The following SERPINB6 variants were observed in gnomAD, a reference collection of about 807,000 sequenced individuals.
SERPINB6 encodes serpin family B member 6.
Under a neutral mutation model 26.1 loss-of-function variants are expected in SERPINB6, and 16 were observed. The observed-to-expected ratio is 0.61, with a 90% confidence interval of 0.42 to 0.93. The LOEUF (loss-of-function observed/expected upper bound fraction) is 0.93. Ranked by LOEUF, SERPINB6 falls within the 40% of genes least tolerant of loss-of-function variation. The probability of loss-of-function intolerance (pLI) is 0.00; values close to 1 mark genes in which losing one functional copy is unlikely to be tolerated. For missense variants in SERPINB6, 420 were observed against 478.0 expected (o/e 0.88, Z 1.13); for synonymous variants, 174 against 176.6 (o/e 0.99, Z 0.11).
At chr6:2,961,865 T>C in intron 1 of SERPINB6, 1 of 984,938 alleles carries the variant, frequency 1.0e-6, no homozygotes, top group Non-Finnish European at 1.2e-6. Flanking sequence ...CAGCACACGT[T>C]TTCCCCTCAA....
At chr6:2,955,769 T>C in intron 2 of SERPINB6, 99 bp from the exon 3 acceptor site, 1 of 1,316,094 alleles carries the variant, frequency 7.6e-7, no homozygotes, top group Non-Finnish European at 1.1e-6. Context: ...TCCAGACCCT[T>C]ATTACTGCTT....
chr6:2,969,789 G>GTTA, intron 1 of SERPINB6: 1 of 377,464 alleles, frequency 2.6e-6, no homozygotes, highest in Non-Finnish European at 3.4e-6. Context: ...TGTGTGTGTT[G>GTTA]TGTGTGTATG....
rs764866260 is a variant in SERPINB6, at chr6:2,959,303, G to A, written c.30C>T (p.Thr10=). 3.1e-6 allele frequency: 5 copies of A among 1,614,168 alleles called. No homozygotes were observed. Among genetic ancestry groups the A allele is most frequent in the African/African-American group, 2.7e-5 (2 of 75,040 alleles). The change falls in exon 2 of 7, where the codon ACC becomes ACT. Residue 10 remains threonine, a synonymous_variant. Transcript: ENST00000380539. ...GCGTTTTCAAAAGGTTTAAGGCAAA[G>A]GTGCCATTTGCTTCTGCGAGAACAT... MDVLAEANG[T]FALNLLKTLG...
intron 5 of SERPINB6, 67 bp downstream of exon 5, chr6:2,952,977 G>C: frequency 1.2e-6 from 2 of 1,607,492 alleles, no homozygotes; most frequent in Non-Finnish European, 1.7e-6. Flanking sequence ...CTGCAGACGC[G>C]GGAGGCCCCG....
rs12209811 is a variant in SERPINB6, at chr6:2,953,262, C to G, written c.431-76G>C. On this transcript the variant is annotated intron_variant, in intron 4 of 6. Coordinates refer to ENST00000380539, the MANE Select transcript of SERPINB6 (RefSeq NM_004568.6). Reference sequence around the variant, plus strand: ...CGACACATCAGGAATCGGCTGGGGCCTTCTCCTTCAGCAGTCAAGTGCACG... The same window carrying G: ...CGACACATCAGGAATCGGCTGGGGCGTTCTCCTTCAGCAGTCAAGTGCACG... 0.16 allele frequency: 259,567 copies of G among 1,594,986 alleles called. 23,557 individuals carry two copies. Among genetic ancestry groups the G allele is most frequent in the African/African-American group, 0.37 (27,297 of 74,598 alleles).
intron 1 of SERPINB6, 70 bp from the exon 2 acceptor site, chr6:2,959,412 C>A: frequency 6.6e-7 from 1 of 1,509,650 alleles, no homozygotes; most frequent in South Asian, 1.1e-5. Context: ...CGCGCCTTAC[C>A]GACAGTCACC....
intron 1 of SERPINB6, chr6:2,959,730 AT>A: frequency 3.8e-6 from 1 of 262,470 alleles, no homozygotes; most frequent in South Asian, 4.5e-5. Context: ...TACTGTTTTA[AT>A]TTGAAAAATA....
rs1771153372 is a variant in SERPINB6, at chr6:2,961,884, G to A, written c.-10-2542C>T. The A allele has an allele frequency of 9.1e-6, 9 of 985,052 alleles. No individual in the cohort carries two copies. The African/African-American group carries it at 1.2e-4, about 13-fold the overall frequency. 61.0% of individuals were successfully genotyped at this position (985,052 alleles called of 1,614,324 possible). ...ACACGTTTTCCCCTCAAATGCTGAA[G>A]GACTCTTACGCTTTTTTTTTTGTAG... On this transcript the variant is annotated intron_variant, in intron 1 of 6. Coordinates refer to ENST00000380539, the MANE Select transcript of SERPINB6 (RefSeq NM_004568.6).
At chr6:2,953,920 CTTGG>C (rs1770112523) in intron 4 of SERPINB6, among the ~76,000 whole-genome samples, 1 of 151,926 alleles carries the variant, frequency 6.6e-6, no homozygotes, top group Non-Finnish European at 1.5e-5. Context: ...ATCCCAACTA[CTTGG>C]GAGGTTGAGA....
At chr6:2,962,882 C>G (rs1771270299) in intron 1 of SERPINB6, among the ~76,000 whole-genome samples, 1 of 152,172 alleles carries the variant, frequency 6.6e-6, no homozygotes. Context: ...ACTTCAGCAG[C>G]CACCAGCACA....
At chr6:2,953,288 G>C in intron 4 of SERPINB6, 102 bp from the exon 5 acceptor site, 1 of 1,479,226 alleles carries the variant, frequency 6.8e-7, no homozygotes, top group Non-Finnish European at 9.4e-7. Context: ...CAAGTGCACG[G>C]ATAGAGAGTT....
chr6:2,955,143 T>G, intron 3 of SERPINB6: 1 of 275,794 alleles, frequency 3.6e-6, no homozygotes, highest in East Asian at 9.2e-5. Context: ...TAAGCCGAGA[T>G]CAGGCCACCA....
Position 2,949,036 on chromosome 6 carries a change from G to C in SERPINB6, c.607C>G (p.Gln203Glu). The change falls in exon 6 of 7, where the codon CAA (glutamine) becomes GAA (glutamate). Residue 203 changes from glutamine (Q) to glutamate (E), a missense_variant. Transcript: ENST00000380539. ...EEKPVQMMFK[Q>E]STFKKTYIGE... is the part of the protein sequence containing the mutation. ...ATATAGGTCTTCTTAAAAGTAGATT[G>C]CTTAAACATCATTTGCACAGGTTTC... The C allele has an allele frequency of 6.2e-7, 1 of 1,614,202 alleles. No individual in the cohort carries two copies. Among genetic ancestry groups the C allele is most frequent in the Non-Finnish European group, 8.5e-7 (1 of 1,180,028 alleles).
chr6:2,971,685 G>C (rs1772196897), upstream of SERPINB6: 1 of 152,138 alleles, frequency 6.6e-6, no homozygotes, highest in South Asian at 2.1e-4. Context: ...GGGACGTGCG[G>C]GTCAACCCCA....
intron 2 of SERPINB6, chr6:2,957,333 C>T (rs897888781): frequency 2.6e-5 from 4 of 152,178 alleles, no homozygotes; most frequent in Non-Finnish European, 4.4e-5. Context: ...GGAACTGTTC[C>T]ATTTTCAAGC....
chr6:2,953,025 G>GTC lies in SERPINB6; in HGVS notation c.573+17_573+18dup. The GTC allele has an allele frequency of 6.2e-7, 1 of 1,614,090 alleles. No homozygotes were observed. The highest frequency in any genetic ancestry group is 8.5e-7 in the Non-Finnish European group (1 of 1,180,034). ...TCGTGTGAACACAGGCGCTGCTCCT[G>GTC]TCACGGCCCCTTACTCGCCTTGCTG... On this transcript the variant is annotated intron_variant, in intron 5 of 6. Transcript: ENST00000380539.
Position 2,948,961 on chromosome 6 carries a change from GT to G in SERPINB6, c.681del (p.Glu227AspfsTer2). ...QILVLPYVGK[E>X]LNMIIMLPDE... is the part of the protein sequence containing the mutation. ...TCCGGAAGCATGATGATCATATTCA[GT>G]TCCTTGCCAACATATGGAAGCACCA... is the stretch of plus-strand genomic sequence containing the variant. On this transcript the variant is annotated frameshift_variant, in exon 6 of 7. Coordinates refer to ENST00000380539, the MANE Select transcript of SERPINB6 (RefSeq NM_004568.6). LOFTEE classifies it low-confidence loss of function (END_TRUNC). This position sits in a 1 kb window ranked among gnomAD's most constrained non-coding sequence, Gnocchi z 5.0. The G allele has an allele frequency of 6.2e-7, 1 of 1,614,210 alleles. No individual in the cohort carries two copies. Among genetic ancestry groups the G allele is most frequent in the African/African-American group, 1.3e-5 (1 of 75,046 alleles).
At chr6:2,955,066 T>C in intron 3 of SERPINB6, 2 of 292,968 alleles carry the variant, frequency 6.8e-6, no homozygotes, top group South Asian at 3.5e-5. Context: ...GGCATGCACC[T>C]GTAATCCCAG....
Position 2,954,641 on chromosome 6 carries a change from T to C in SERPINB6, c.381A>G (p.Val127=). ...EMEELDFISA[V]EKSRKHINTW... ...TGTTTATGTGTTTTCTGGACTTCTCTACGGCGCTGATAAAGTCAAGCTCCT... is the reference window on the plus strand; with the variant it reads ...TGTTTATGTGTTTTCTGGACTTCTCCACGGCGCTGATAAAGTCAAGCTCCT... Residue 127 remains valine (V), a synonymous_variant, in exon 4 of 7, where the codon GTA becomes GTG. Transcript: ENST00000380539. 6 of 1,614,124 alleles carry C rather than the reference T, an allele frequency of 3.7e-6. No homozygotes were observed. The South Asian group carries it at 5.5e-5, about 15-fold the overall frequency.
Sources: allele counts gnomAD v4.1 joint callset (sites outside exome capture counted in the v4.1 genomes callset), GRCh38; gene constraint gnomAD v4.1.1; non-coding constraint Gnocchi (gnomAD v3.1); transcripts MANE v1.5; gene names NCBI Gene and HGNC (gene_info 2026-07-23, HGNC 2026-07-21).